The following KLF12 variants were observed in gnomAD, a reference collection of about 807,000 sequenced individuals.
The protein encoded by KLF12 is KLF transcription factor 12.
KLF12 carries 9 observed loss-of-function variants against 37.8 expected under a neutral mutation model. The ratio of observed to expected loss-of-function variants is 0.24; its 90% CI spans 0.14 to 0.42. KLF12 has a LOEUF of 0.42. Ranked by LOEUF, KLF12 falls within the 10% of genes least tolerant of loss-of-function variation. The probability of loss-of-function intolerance (pLI) is 1.00; values close to 1 mark genes in which losing one functional copy is unlikely to be tolerated. For synonymous variants in KLF12, 208 were observed against 202.1 expected (o/e 1.03, Z -0.25); for missense variants, 411 against 516.0 (o/e 0.80, Z 1.97).
the KLF12 span, among the ~76,000 whole-genome samples, chr13:74,167,672 C>T: frequency 1.3e-5 from 2 of 152,208 alleles, no homozygotes; most frequent in African/African-American, 2.4e-5. Flanking sequence ...ATGCCAGGTA[C>T]TGTGGTTTTA....
intron 4 of KLF12, among the ~76,000 whole-genome samples, chr13:73,831,708 C>T (rs977930632): frequency 5.3e-5 from 8 of 152,026 alleles, no homozygotes; most frequent in Admixed American, 2.6e-4. Context: ...CCCTCAGTGC[C>T]CCTACAGATA....
rs913541569 is a variant in KLF12, at chr13:73,978,269, A to G, written c.33+16721T>C. On this transcript the variant is annotated intron_variant, in intron 2 of 7. Transcript: ENST00000377669. Reference sequence around the variant, plus strand: ...AATATGCAAAGAACGCAAAGTTCAGAAAAAAAAGAGTGTAAAAAAATGTCC... The same window carrying G: ...AATATGCAAAGAACGCAAAGTTCAGGAAAAAAAGAGTGTAAAAAAATGTCC... Among the ~76,000 whole-genome samples, 20 of 152,246 alleles carry G rather than the reference A, an allele frequency of 1.3e-4. 1 individual carries two copies. Among genetic ancestry groups the G allele is most frequent in the South Asian group, 4.1e-4 (2 of 4,826 alleles).
chr13:73,924,321 T>C (rs1409732439), intron 3 of KLF12, among the ~76,000 whole-genome samples: 1 of 152,240 alleles, frequency 6.6e-6, no homozygotes, highest in African/African-American at 2.4e-5. Flanking sequence ...TAGAAATCTA[T>C]TGGTGCCACT....
chr13:73,859,267 A>G (rs1885786411), intron 3 of KLF12, among the ~76,000 whole-genome samples: 2 of 152,196 alleles, frequency 1.3e-5, no homozygotes, highest in African/African-American at 2.4e-5. Context: ...GGCAGGCAAG[A>G]GCTTTCTCTT....
At chr13:73,963,372 T>A (rs1449710306) in intron 2 of KLF12, among the ~76,000 whole-genome samples, 2 of 107,306 alleles carry the variant, frequency 1.9e-5, no homozygotes, top group African/African-American at 6.4e-5. Context: ...ACACACACAC[T>A]CGGAATTATT....
At chr13:74,238,172 G>T in the KLF12 span, among the ~76,000 whole-genome samples, 1 of 131,778 alleles carries the variant, frequency 7.6e-6, no homozygotes, top group Admixed American at 7.1e-5. Flanking sequence ...TTTGTCAAAA[G>T]CTTTTTCTGC....
At position 73,776,618 on chromosome 13, in the gene KLF12, C is replaced by T. The variant is rs145455226; in HGVS notation, c.807-11618G>A. Among the ~76,000 whole-genome samples, 351 of 152,336 alleles carry T rather than the reference C, an allele frequency of 2.3e-3. 5 individuals carry two copies. Among genetic ancestry groups the T allele is most frequent in the African/African-American group, 8.1e-3 (336 of 41,578 alleles). On this transcript the variant is annotated intron_variant, in intron 5 of 7. Coordinates refer to ENST00000377669, the MANE Select transcript of KLF12 (RefSeq NM_007249.5). ...AGTAGTCACATTCAAATTCACTGTT[C>T]TCCCCTCTGCCCCACTTCCAGCCAC...
chr13:73,979,147 T>C (rs1007891556), intron 2 of KLF12, among the ~76,000 whole-genome samples: 2 of 152,064 alleles, frequency 1.3e-5, no homozygotes, highest in Admixed American at 6.5e-5. Flanking sequence ...GAGGAAACAC[T>C]AATATAAACC....
chr13:73,918,550 A>T (rs1228998258), intron 3 of KLF12, among the ~76,000 whole-genome samples: 3 of 152,216 alleles, frequency 2.0e-5, no homozygotes, highest in Non-Finnish European at 4.4e-5. Context: ...TTGATAAAAA[A>T]TAAACTCCAA....
chr13:74,122,785 CTCCT>C (rs1692113112), intron 1 of KLF12, among the ~76,000 whole-genome samples: 1 of 151,890 alleles, frequency 6.6e-6, no homozygotes, highest in African/African-American at 2.4e-5. Flanking sequence ...TTCAAAAAAA[CTCCT>C]TCCATTTTTG....
intron 6 of KLF12, among the ~76,000 whole-genome samples, chr13:73,742,377 C>A (rs1297776310): frequency 1.3e-5 from 2 of 152,074 alleles, no homozygotes; most frequent in African/African-American, 4.8e-5. Flanking sequence ...AAATTTCAGT[C>A]TATAGCTAGA....
At chr13:73,833,800 G>A (rs900711705) in intron 4 of KLF12, among the ~76,000 whole-genome samples, 35 of 152,132 alleles carry the variant, frequency 2.3e-4, no homozygotes, top group African/African-American at 8.5e-4. Context: ...GAGAGGGAGG[G>A]GTAGTATGTG....
At chr13:73,789,390 G>A (rs1419517727) in intron 5 of KLF12, among the ~76,000 whole-genome samples, 2 of 151,950 alleles carry the variant, frequency 1.3e-5, no homozygotes, top group African/African-American at 4.8e-5. Context: ...TCACAGTAGC[G>A]CTAGTCAGAG....
At chr13:73,889,507 C>G (rs574440632) in intron 3 of KLF12, among the ~76,000 whole-genome samples, 1 of 152,104 alleles carries the variant, frequency 6.6e-6, no homozygotes, top group Admixed American at 6.6e-5. Context: ...TTTAAAATAT[C>G]TCACATAAAT....
At chr13:73,939,959 C>T (rs1890115955) in intron 3 of KLF12, among the ~76,000 whole-genome samples, 2 of 152,176 alleles carry the variant, frequency 1.3e-5, no homozygotes, top group Non-Finnish European at 2.9e-5. Flanking sequence ...GGGAGAGAAG[C>T]CCTCATCTCC....
At chr13:73,912,310 T>C (rs1203789688) in intron 3 of KLF12, among the ~76,000 whole-genome samples, 1 of 152,146 alleles carries the variant, frequency 6.6e-6, no homozygotes, top group East Asian at 1.9e-4. Context: ...GTGGATACTG[T>C]TTTGGGTTGA....
At chr13:73,734,835 A>G (rs903231357) in intron 6 of KLF12, among the ~76,000 whole-genome samples, 1 of 152,178 alleles carries the variant, frequency 6.6e-6, no homozygotes, top group Non-Finnish European at 1.5e-5. Flanking sequence ...CGAAAGGTAC[A>G]CTGCCCGAGA....
chr13:73,850,478 C>CT (rs1885277316), intron 3 of KLF12, among the ~76,000 whole-genome samples: 1 of 152,174 alleles, frequency 6.6e-6, no homozygotes, highest in South Asian at 2.1e-4. Context: ...TTATTACAGT[C>CT]TGTCTGTGAA....
At chr13:73,903,106 G>A (rs1166362581) in intron 3 of KLF12, among the ~76,000 whole-genome samples, 1 of 152,116 alleles carries the variant, frequency 6.6e-6, no homozygotes, top group African/African-American at 2.4e-5. Context: ...TTTTTCATCT[G>A]GGTTACCCCA....
Sources: gnomAD v4.1 joint callset for allele counts (sites outside exome capture counted in the v4.1 genomes callset) on GRCh38, gnomAD v4.1.1 for gene constraint, MANE v1.5 for transcripts, NCBI Gene and HGNC (gene_info 2026-07-23, HGNC 2026-07-21) for gene names.